Variants in ROBO2 observed in about 807,000 individuals in gnomAD.
ROBO2 encodes the protein roundabout guidance receptor 2.
A neutral mutation model predicts 160.8 loss-of-function variants in ROBO2; 53 were observed. The ratio of observed to expected loss-of-function variants is 0.33; its 90% CI spans 0.26 to 0.41. The LOEUF is 0.41. Ranked by LOEUF, ROBO2 falls within the 10% of genes least tolerant of loss-of-function variation. The pLI is 1.00. For missense variants in ROBO2, 1,577 were observed against 1,722.4 expected (o/e 0.92, Z 1.49); for synonymous variants, 664 against 611.7 (o/e 1.09, Z -1.26).
At chr3:77,358,185 G>A (rs1446864493) in intron 2 of ROBO2, among the ~76,000 whole-genome samples, 1 of 152,176 alleles carries the variant, frequency 6.6e-6, no homozygotes, top group Non-Finnish European at 1.5e-5. Flanking sequence ...CAAAATGTCA[G>A]CAGGGCCATG....
intron 2 of ROBO2, among the ~76,000 whole-genome samples, chr3:77,218,905 T>C (rs1272997399): frequency 2.6e-5 from 4 of 152,190 alleles, no homozygotes; most frequent in African/African-American, 9.6e-5. Flanking sequence ...TTATTAAATG[T>C]TCTTGAATGA....
chr3:77,351,008 G>A (rs565174270), intron 2 of ROBO2, among the ~76,000 whole-genome samples: 4 of 152,312 alleles, frequency 2.6e-5, no homozygotes, highest in African/African-American at 4.8e-5. Context: ...AATAAGTTAT[G>A]CTTTGGTGGT....
At chr3:76,749,095 A>G (rs931638395) in intron 2 of ROBO2, among the ~76,000 whole-genome samples, 4 of 151,906 alleles carry the variant, frequency 2.6e-5, no homozygotes, top group Admixed American at 2.6e-4. Flanking sequence ...AATGTATAGT[A>G]TGATTCATTT....
At chr3:76,916,973 C>T (rs1294831240) in intron 2 of ROBO2, among the ~76,000 whole-genome samples, 3 of 152,056 alleles carry the variant, frequency 2.0e-5, no homozygotes, top group African/African-American at 7.2e-5. Flanking sequence ...ACTGTCAGCC[C>T]ATCCTCTCCC....
chr3:77,568,178 C>A, intron 12 of ROBO2, 135 bp from the exon 14 acceptor site: 1 of 911,726 alleles, frequency 1.1e-6, no homozygotes, highest in Non-Finnish European at 1.7e-6. Context: ...GGCTTAAATG[C>A]TTTTTGTCAC....
chr3:76,411,918 A>G (rs1325228519), intron 2 of ROBO2, among the ~76,000 whole-genome samples: 2 of 152,162 alleles, frequency 1.3e-5, no homozygotes, highest in African/African-American at 2.4e-5. Context: ...CCCTTCGCCA[A>G]AGGTACTTTT....
chr3:76,708,994 A>G (rs2093230592), intron 2 of ROBO2, among the ~76,000 whole-genome samples: 1 of 152,192 alleles, frequency 6.6e-6, no homozygotes, highest in African/African-American at 2.4e-5. Context: ...AATTGGGTAG[A>G]TGAGGGTGCC....
chr3:77,215,992 T>TG (rs932973950), intron 2 of ROBO2, among the ~76,000 whole-genome samples: 3 of 152,146 alleles, frequency 2.0e-5, no homozygotes, highest in Non-Finnish European at 4.4e-5. Flanking sequence ...CTGCCACTAC[T>TG]GGGGGGTGCC....
At chr3:76,848,010 G>A (rs1037084732) in intron 2 of ROBO2, among the ~76,000 whole-genome samples, 2 of 152,022 alleles carry the variant, frequency 1.3e-5, no homozygotes, top group Admixed American at 6.6e-5. Flanking sequence ...ATGTTTAATT[G>A]CAATAAAAAA....
intron 2 of ROBO2, among the ~76,000 whole-genome samples, chr3:76,647,562 T>C (rs2091038892): frequency 6.6e-6 from 1 of 152,158 alleles, no homozygotes; most frequent in African/African-American, 2.4e-5. Context: ...AAATACCTTC[T>C]CAATTAAACA....
intron 2 of ROBO2, among the ~76,000 whole-genome samples, chr3:76,883,166 T>C (rs1185416550): frequency 1.3e-5 from 2 of 152,144 alleles, no homozygotes; most frequent in African/African-American, 4.8e-5. Context: ...CCCATATGTA[T>C]TATGCACTCT....
intron 2 of ROBO2, among the ~76,000 whole-genome samples, chr3:75,979,888 C>T (rs566994877): frequency 1.3e-4 from 19 of 151,550 alleles, no homozygotes; most frequent in African/African-American, 4.6e-4. Flanking sequence ...ATGTAAGTTG[C>T]TTAGTTTATT....
At chr3:76,495,899 T>G (rs1263832298) in intron 2 of ROBO2, among the ~76,000 whole-genome samples, 2 of 152,212 alleles carry the variant, frequency 1.3e-5, no homozygotes, top group Non-Finnish European at 2.9e-5. Context: ...TCTATGGAAG[T>G]GGAGTGTTTC....
chr3:77,180,681 A>G (rs2080693391), intron 2 of ROBO2, among the ~76,000 whole-genome samples: 1 of 151,888 alleles, frequency 6.6e-6, no homozygotes, highest in South Asian at 2.1e-4. Flanking sequence ...ATGTATTATT[A>G]TCTCTACATA....
At chr3:76,394,974 A>C (rs1388145711) in intron 2 of ROBO2, among the ~76,000 whole-genome samples, 1 of 152,150 alleles carries the variant, frequency 6.6e-6, no homozygotes, top group Non-Finnish European at 1.5e-5. Context: ...CACCAAGCAG[A>C]CCTAATAGAC....
chr3:77,030,235 C>T (rs1053194815), intron 2 of ROBO2, among the ~76,000 whole-genome samples: 3 of 152,104 alleles, frequency 2.0e-5, no homozygotes, highest in Non-Finnish European at 2.9e-5. Context: ...TAAGCCACCG[C>T]GCCTGGCAAA....
intron 2 of ROBO2, among the ~76,000 whole-genome samples, chr3:76,341,714 C>T (rs1436595095): frequency 6.6e-6 from 1 of 152,066 alleles, no homozygotes; most frequent in Non-Finnish European, 1.5e-5. Context: ...AAAAAGGAAG[C>T]TGGGAAACAT....
At chr3:76,133,244 A>G (rs2071297502) in intron 2 of ROBO2, among the ~76,000 whole-genome samples, 1 of 152,116 alleles carries the variant, frequency 6.6e-6, no homozygotes, top group Non-Finnish European at 1.5e-5. Context: ...GAAGGGAAAT[A>G]TACAACCAGA....
At chr3:76,272,181 C>G (rs138051526) in intron 2 of ROBO2, among the ~76,000 whole-genome samples, 91 of 152,122 alleles carry the variant, frequency 6.0e-4, no homozygotes, top group African/African-American at 2.1e-3. Context: ...GTTTTGTGTC[C>G]TTGAAGTTAT....
Sources: gnomAD v4.1 joint callset for allele counts (sites outside exome capture counted in the v4.1 genomes callset) on GRCh38, gnomAD v4.1.1 for gene constraint, MANE v1.5 for transcripts, NCBI Gene and HGNC (gene_info 2026-07-23, HGNC 2026-07-21) for gene names.